Variants in GPRC5A observed in about 807,000 individuals in gnomAD.
GPRC5A encodes the protein retinoic acid-induced protein 3.
In GPRC5A, 19 loss-of-function variants were observed where a neutral mutation model predicts 22.5. The ratio of observed to expected loss-of-function variants is 0.85; its 90% CI spans 0.59 to 1.24. The LOEUF is 1.24. GPRC5A is among the 50% of genes most tolerant of loss of function. The pLI, the probability that GPRC5A is intolerant of heterozygous loss-of-function variation, is 0.00. For synonymous variants in GPRC5A, 192 were observed against 184.5 expected (o/e 1.04, Z -0.33); for missense variants, 471 against 451.1 (o/e 1.04, Z -0.40).
At chr12:12,904,188 G>A (rs1863917387) in intron 1 of GPRC5A, among the ~76,000 whole-genome samples, 1 of 152,170 alleles carries the variant, frequency 6.6e-6, no homozygotes, top group Non-Finnish European at 1.5e-5. Flanking sequence ...CACATTCACG[G>A]TGTAGCCTGG....
At chr12:12,905,860 A>C (rs1863936720) in intron 1 of GPRC5A, among the ~76,000 whole-genome samples, 1 of 152,156 alleles carries the variant, frequency 6.6e-6, no homozygotes, top group Admixed American at 6.6e-5. Flanking sequence ...TGGCTTCCTG[A>C]TTATCCGAAT....
At chr12:12,897,091 G>A (rs983399237) in intron 1 of GPRC5A, among the ~76,000 whole-genome samples, 15 of 151,970 alleles carry the variant, frequency 9.9e-5, no homozygotes, top group African/African-American at 3.6e-4. Flanking sequence ...GCTGGATGTG[G>A]TGGCGCATGC....
rs549972810 is a variant in GPRC5A at position 12,900,901 on chromosome 12, A to C, written c.-7-7342A>C. ...GTAAAAACTCCGTCTCAAAAAAAAA[A>C]AAAAAAAAAAAACAAAAAAAAAACA... On this transcript the variant is annotated intron_variant, in intron 1 of 3. Transcript: ENST00000014914. Among the ~76,000 whole-genome samples the C allele has an allele frequency of 7.5e-3, 997 of 132,528 alleles. 9 individuals carry two copies. Among genetic ancestry groups the C allele is most frequent in the Middle Eastern group, 0.039 (11 of 282 alleles). The allele number at this position is 132,528 out of a possible 152,430, so 86.9% of individuals were successfully genotyped here.
rs1424328274 is a variant in GPRC5A, at chr12:12,917,504, T to G, written c.*4965T>G. 1 of 152,122 alleles carries G rather than the reference T, an allele frequency of 6.6e-6. No individual in the cohort carries two copies. The highest frequency in any genetic ancestry group is 1.5e-5 in the Non-Finnish European group (1 of 68,042). The allele number at this position is 152,122 out of a possible 1,614,324, so 9.4% of individuals were successfully genotyped here. ...CACCTGTGTGGTCAATTCTGGACAC[T>G]TCCCAGAGAAGTCTTTGAGTAGAGA... On this transcript the variant is annotated 3_prime_UTR_variant, in exon 4 of 4. Transcript: ENST00000014914.
At chr12:12,900,010 G>A (rs758626293) in intron 1 of GPRC5A, among the ~76,000 whole-genome samples, 42 of 152,198 alleles carry the variant, frequency 2.8e-4, no homozygotes, top group Admixed American at 2.6e-4. Context: ...CTCTGGTTGC[G>A]AAGAGGAGTC....
chr12:12,902,006 T>C (rs1403010066), intron 1 of GPRC5A, among the ~76,000 whole-genome samples: 1 of 152,230 alleles, frequency 6.6e-6, no homozygotes. Flanking sequence ...TTCATATTCC[T>C]AAATGCTGAT....
At chr12:12,905,771 G>A (rs1863935563) in intron 1 of GPRC5A, among the ~76,000 whole-genome samples, 1 of 152,296 alleles carries the variant, frequency 6.6e-6, no homozygotes, top group Non-Finnish European at 1.5e-5. Context: ...AAATTCACAC[G>A]AAGATTGTAG....
chr12:12,909,254 T>A, intron 2 of GPRC5A, 83 bp downstream of exon 2: 1 of 1,005,512 alleles, frequency 9.9e-7, no homozygotes, highest in Non-Finnish European at 1.5e-6. Context: ...GTAAGGAACA[T>A]GCAAGATTTT....
chr12:12,904,700 C>A (rs1312914996), intron 1 of GPRC5A, among the ~76,000 whole-genome samples: 1 of 152,048 alleles, frequency 6.6e-6, no homozygotes, highest in Admixed American at 6.6e-5. Flanking sequence ...TCTGGTGTCA[C>A]TTTAACACAC....
chr12:12,900,775 A>G (rs942341427), intron 1 of GPRC5A, among the ~76,000 whole-genome samples: 3 of 151,758 alleles, frequency 2.0e-5, no homozygotes, highest in Admixed American at 1.3e-4. Context: ...CTGTAATCCC[A>G]GCCACTCGGG....
At chr12:12,911,309 T>G (rs1864001288) in intron 2 of GPRC5A, among the ~76,000 whole-genome samples, 1 of 152,176 alleles carries the variant, frequency 6.6e-6, no homozygotes, top group Non-Finnish European at 1.5e-5. Context: ...CCTTTGGTTT[T>G]CCCCAAATAC....
chr12:12,908,211 C>A (rs773558170), intron 1 of GPRC5A, 32 bp from the exon 2 acceptor site: 30 of 1,378,990 alleles, frequency 2.2e-5, no homozygotes, highest in Non-Finnish European at 2.8e-5. Context: ...GATTCAATAC[C>A]TTCTCCCCAC....
rs1479161428 is a variant in GPRC5A at position 12,908,751 on chromosome 12, C to G, written c.502C>G (p.Leu168Val). ...NRTNVNVFSE[L>V]SAPRRNEDFV... ...GACCAACGTCAATGTCTTTTCTGAG[C>G]TTTCCGCTCCTCGTCGCAATGAAGA... The change falls in exon 2 of 4, where the codon CTT becomes GTT. Residue 168 changes from leucine to valine, a missense_variant. Leu to Val is a conservative substitution (Grantham distance 32, BLOSUM62 1). Coordinates refer to ENST00000014914, the MANE Select transcript of GPRC5A (RefSeq NM_003979.4). The G allele has an allele frequency of 6.2e-7, 1 of 1,614,098 alleles. No homozygotes were observed. Among genetic ancestry groups the G allele is most frequent in the Non-Finnish European group, 8.5e-7 (1 of 1,180,038 alleles).
Position 12,912,797 on chromosome 12 carries a change from A to C in GPRC5A, c.*258A>C. ...GATACTTCTTTTAAGTGGGAGTCTC[A>C]GGCAACTCAAGTTTAGACCCTTACT... On this transcript the variant is annotated 3_prime_UTR_variant, in exon 4 of 4. Transcript: ENST00000014914. 1 of 451,754 alleles carries C rather than the reference A, an allele frequency of 2.2e-6. No individual in the cohort carries two copies. The highest frequency in any genetic ancestry group is 3.9e-6 in the Non-Finnish European group (1 of 257,182). The allele number at this position is 451,754 out of a possible 1,614,324, so 28.0% of individuals were successfully genotyped here.
At chr12:12,897,609 CT>C (rs35808659) in intron 1 of GPRC5A, among the ~76,000 whole-genome samples, 241 of 134,050 alleles carry the variant, frequency 1.8e-3, no homozygotes, top group Admixed American at 2.3e-3. Flanking sequence ...GAATACGCTT[CT>C]TTTTTTTTTT....
chr12:12,895,276 A>G (rs1863810186), intron 1 of GPRC5A, among the ~76,000 whole-genome samples: 1 of 151,506 alleles, frequency 6.6e-6, no homozygotes, highest in Non-Finnish European at 1.5e-5. Flanking sequence ...TTATGTTAGT[A>G]TTTCTTTTTA....
rs553282680 is a variant in GPRC5A, at chr12:12,907,703, C to G, written c.-7-540C>G. On this transcript the variant is annotated intron_variant, in intron 1 of 3. Transcript: ENST00000014914. ...CTGGGGTGCAGTGACGTGATCATAG[C>G]TCACTGCATCCTTGAACTCCTGGAC... is the stretch of plus-strand genomic sequence containing the variant. 3.3e-5 allele frequency among the ~76,000 whole-genome samples: 5 copies of G among 152,300 alleles called. No individual in the cohort carries two copies. In the South Asian group the frequency reaches 6.2e-4, roughly 19 times the overall value.
chr12:12,910,366 C>T (rs574977354), intron 2 of GPRC5A, among the ~76,000 whole-genome samples: 1 of 152,250 alleles, frequency 6.6e-6, no homozygotes, highest in South Asian at 2.1e-4. Flanking sequence ...TCCATCACCT[C>T]ACTCCTGTAC....
At chr12:12,896,187 C>T (rs954280577) in intron 1 of GPRC5A, among the ~76,000 whole-genome samples, 6 of 151,968 alleles carry the variant, frequency 3.9e-5, no homozygotes, top group African/African-American at 1.2e-4. Flanking sequence ...CTACATGTTT[C>T]GTTTAGAGTA....
Sources: allele counts gnomAD v4.1 joint callset (sites outside exome capture counted in the v4.1 genomes callset), GRCh38; gene constraint gnomAD v4.1.1; transcripts MANE v1.5; gene names NCBI Gene and HGNC (gene_info 2026-07-23, HGNC 2026-07-21).